The following NCAM2 variants were observed in gnomAD, a reference collection of about 807,000 sequenced individuals.
NCAM2 encodes the protein neural cell adhesion molecule 2.
Under a neutral mutation model 98.1 loss-of-function variants are expected in NCAM2, and 30 were observed. That is an observed-to-expected ratio of 0.31 (90% confidence interval 0.23 to 0.41). The LOEUF (loss-of-function observed/expected upper bound fraction) is 0.41. Ranked by LOEUF, NCAM2 falls within the 10% of genes least tolerant of loss-of-function variation. The probability of loss-of-function intolerance (pLI) is 1.00; values close to 1 mark genes in which losing one functional copy is unlikely to be tolerated. For missense variants in NCAM2, 867 were observed against 1,005.8 expected, an observed-to-expected ratio of 0.86 and a Z score of 1.87; for synonymous variants, 368 against 342.4, an observed-to-expected ratio of 1.07 and a Z score of -0.83.
At chr21:21,063,910 A>G (rs775199497) in intron 1 of NCAM2, among the ~76,000 whole-genome samples, 31 of 152,218 alleles carry the variant, frequency 2.0e-4, no homozygotes, top group Non-Finnish European at 4.6e-4. Flanking sequence ...GGCCATGGGC[A>G]TGTGATATTT....
At chr21:21,534,174 G>A (rs898918992) in intron 16 of NCAM2, among the ~76,000 whole-genome samples, 9 of 151,624 alleles carry the variant, frequency 5.9e-5, no homozygotes, top group African/African-American at 2.2e-4. Flanking sequence ...TTTCAAATGT[G>A]GCTAGTTAGA....
intron 1 of NCAM2, among the ~76,000 whole-genome samples, chr21:21,049,828 G>A (rs562449508): frequency 4.0e-4 from 60 of 151,210 alleles, no homozygotes; most frequent in African/African-American, 1.2e-3. Flanking sequence ...CCAAGATTGC[G>A]CCATTGCACT....
chr21:21,050,890 A>G (rs2065095265), intron 1 of NCAM2, among the ~76,000 whole-genome samples: 1 of 152,206 alleles, frequency 6.6e-6, no homozygotes, highest in Non-Finnish European at 1.5e-5. Context: ...TTACAATATC[A>G]AAATGAATTT....
intron 5 of NCAM2, among the ~76,000 whole-genome samples, chr21:21,320,373 G>A (rs979377237): frequency 2.0e-5 from 3 of 151,900 alleles, no homozygotes; most frequent in African/African-American, 7.3e-5. Flanking sequence ...TGTTCCTTAT[G>A]CCCATCATTT....
chr21:21,480,733 A>T (rs1985801355), intron 15 of NCAM2, among the ~76,000 whole-genome samples: 1 of 152,234 alleles, frequency 6.6e-6, no homozygotes, highest in South Asian at 2.1e-4. Flanking sequence ...AGAGCAACTG[A>T]TGGATGAACA....
chr21:21,209,625 A>G lies in NCAM2; in HGVS notation c.56-70953A>G, dbSNP rs1322703224. Among the ~76,000 whole-genome samples, 3 of 152,270 alleles carry G rather than the reference A, an allele frequency of 2.0e-5. No homozygotes were observed. In the East Asian group the frequency reaches 5.8e-4, roughly 29 times the overall value. On this transcript the variant is annotated intron_variant, in intron 1 of 17. Transcript: ENST00000400546. Reference sequence around the variant, plus strand: ...TGGAAGTGGGTCCATCAACAAAGGTATAGGTTATTGCAGAGGTTGTCTGTT... The same window carrying G: ...TGGAAGTGGGTCCATCAACAAAGGTGTAGGTTATTGCAGAGGTTGTCTGTT...
intron 8 of NCAM2, among the ~76,000 whole-genome samples, chr21:21,368,189 A>G (rs1284538472): frequency 6.6e-6 from 1 of 151,994 alleles, no homozygotes; most frequent in Non-Finnish European, 1.5e-5. Context: ...CAGCCATAGT[A>G]TAATTTTATG....
chr21:21,515,634 G>A (rs73896947), intron 16 of NCAM2, among the ~76,000 whole-genome samples: 158 of 151,984 alleles, frequency 1.0e-3, no homozygotes, highest in African/African-American at 3.6e-3. Context: ...AAGTAATTTC[G>A]ATAGAATTAA....
chr21:21,233,124 T>A (rs1412729830), intron 1 of NCAM2, among the ~76,000 whole-genome samples: 1 of 151,632 alleles, frequency 6.6e-6, no homozygotes, highest in African/African-American at 2.4e-5. Context: ...TTTTATTTTC[T>A]ACTTGGCAGG....
chr21:21,066,461 A>G (rs1255428643), intron 1 of NCAM2, among the ~76,000 whole-genome samples: 2 of 152,084 alleles, frequency 1.3e-5, no homozygotes, highest in Non-Finnish European at 2.9e-5. Flanking sequence ...ATTTAATTCA[A>G]ACCGTAATTG....
chr21:21,106,722 TA>T (rs945487889), intron 1 of NCAM2, among the ~76,000 whole-genome samples: 1 of 150,802 alleles, frequency 6.6e-6, no homozygotes, highest in Admixed American at 6.6e-5. Context: ...TGATCATTAA[TA>T]AAAAAAAATC....
At chr21:21,261,151 T>A (rs2147345827) in intron 1 of NCAM2, among the ~76,000 whole-genome samples, 1 of 152,156 alleles carries the variant, frequency 6.6e-6, no homozygotes, top group East Asian at 1.9e-4. Context: ...ACAAGAAGAT[T>A]TAACTGTCCT....
At chr21:21,302,191 A>C (rs1386984763) in intron 5 of NCAM2, among the ~76,000 whole-genome samples, 1 of 151,876 alleles carries the variant, frequency 6.6e-6, no homozygotes, top group Non-Finnish European at 1.5e-5. Flanking sequence ...TATTCACAAT[A>C]GCAAAGACTT....
At chr21:21,107,995 G>A (rs115101113) in intron 1 of NCAM2, among the ~76,000 whole-genome samples, 1,734 of 152,098 alleles carry the variant, frequency 0.011, 24 homozygotes, top group African/African-American at 0.039. Context: ...GTACGTTGTA[G>A]GGATTAGAGT....
At chr21:21,049,928 A>T (rs537728592) in intron 1 of NCAM2, among the ~76,000 whole-genome samples, 1 of 152,240 alleles carries the variant, frequency 6.6e-6, no homozygotes, top group Non-Finnish European at 1.5e-5. Context: ...GTTTTTGAAG[A>T]TGTAAATAGT....
rs555812606 is a variant in NCAM2, at chr21:21,059,470, A to G, written c.55+60852A>G. Among the ~76,000 whole-genome samples the G allele has an allele frequency of 2.9e-4, 44 of 152,252 alleles. 1 individual carries two copies. The South Asian group carries it at 8.9e-3, about 31-fold the overall frequency. ...TGTGGCTGCTGAGTTGTATATGCCA[A>G]GACTGTTTTATAAATAGCCACAGTG... On this transcript the variant is annotated intron_variant, in intron 1 of 17. Transcript: ENST00000400546.
chr21:21,532,125 A>T (rs1989738796), intron 16 of NCAM2, among the ~76,000 whole-genome samples: 1 of 152,062 alleles, frequency 6.6e-6, no homozygotes, highest in South Asian at 2.1e-4. Context: ...GGTATTTATT[A>T]TAATAAAAAA....
intron 1 of NCAM2, among the ~76,000 whole-genome samples, chr21:21,184,470 G>A (rs2068575513): frequency 6.6e-6 from 1 of 151,958 alleles, no homozygotes; most frequent in African/African-American, 2.4e-5. Context: ...AGTCACCTTG[G>A]GGATCCTTTA....
rs979386068 is a variant in NCAM2, at chr21:21,044,834, G to A, written c.55+46216G>A. ...AAAAAAATTTGTTGGGCATGGTGGC[G>A]TGCATCTGTGGTTCTGGCTACTTAG... On this transcript the variant is annotated intron_variant, in intron 1 of 17. Coordinates refer to ENST00000400546, the MANE Select transcript of NCAM2 (RefSeq NM_004540.5). Among the ~76,000 whole-genome samples the A allele has an allele frequency of 3.9e-5, 6 of 152,040 alleles. No homozygotes were observed. In the East Asian group the frequency reaches 5.8e-4, roughly 15 times the overall value.
Sources: allele counts gnomAD v4.1 joint callset (sites outside exome capture counted in the v4.1 genomes callset), GRCh38; gene constraint gnomAD v4.1.1; transcripts MANE v1.5; gene names NCBI Gene and HGNC (gene_info 2026-07-23, HGNC 2026-07-21).